The following SPTA1 variants were observed in gnomAD, a reference collection of about 807,000 sequenced individuals.
The protein encoded by SPTA1 is spectrin alpha, erythrocytic 1.
A neutral mutation model predicts 324.7 loss-of-function variants in SPTA1; 177 were observed. The ratio of observed to expected loss-of-function variants is 0.55; its 90% CI spans 0.48 to 0.62. The LOEUF is 0.62. SPTA1 is among the 20% of genes least tolerant of loss of function. The pLI is 0.00. For missense variants in SPTA1, 3,162 were observed against 2,883.6 expected (o/e 1.10, Z -2.21); for synonymous variants, 1,195 against 1,041.3 (o/e 1.15, Z -2.84).
chr1:158,652,411 G>A (rs890067891), intron 23 of SPTA1, 56 bp downstream of exon 23: 16 of 1,564,514 alleles, frequency 1.0e-5, no homozygotes, highest in Admixed American at 6.7e-5. Flanking sequence ...TGTAGAATAT[G>A]CTGAGGGATA....
chr1:158,683,728 C>T (rs1282262768), intron 2 of SPTA1, among the ~76,000 whole-genome samples: 1 of 151,962 alleles, frequency 6.6e-6, no homozygotes, highest in Non-Finnish European at 1.5e-5. Flanking sequence ...AATAGACTGC[C>T]ATAGGAATAA....
intron 4 of SPTA1, 88 bp downstream of exon 4, chr1:158,681,439 C>T (rs1165669377): frequency 6.2e-7 from 1 of 1,600,746 alleles, no homozygotes; most frequent in African/African-American, 1.3e-5. Flanking sequence ...TCCTGACTTC[C>T]TTGTGAGTAG....
chr1:158,659,408 A>G (rs1017293452), intron 18 of SPTA1, among the ~76,000 whole-genome samples: 1 of 151,914 alleles, frequency 6.6e-6, no homozygotes, highest in Non-Finnish European at 1.5e-5. Flanking sequence ...TTTTGCTTAT[A>G]TAGTTAGACT....
intron 37 of SPTA1, 99 bp downstream of exon 37, chr1:158,636,541 TC>T: frequency 7.4e-7 from 1 of 1,360,288 alleles, no homozygotes; most frequent in Non-Finnish European, 1.0e-6. Flanking sequence ...GACCTTGACA[TC>T]CTATTTTCAC....
intron 43 of SPTA1, 111 bp downstream of exon 43, chr1:158,622,872 C>A: frequency 2.0e-6 from 2 of 998,668 alleles, no homozygotes; most frequent in Non-Finnish European, 3.2e-6. Flanking sequence ...TCTTTCAATG[C>A]AATAAAAGGT....
intron 7 of SPTA1, 91 bp downstream of exon 7, chr1:158,677,599 T>C: frequency 6.7e-7 from 1 of 1,484,680 alleles, no homozygotes; most frequent in Non-Finnish European, 9.3e-7. Context: ...GTGAACTTAT[T>C]GTGCTCTCTG....
Position 158,620,183 on chromosome 1 carries a change from G to A in SPTA1, c.6404C>T (p.Ser2135Phe). The change falls in exon 44 of 52, where the codon TCT (serine) becomes TTT (phenylalanine). Residue 2135 changes from serine to phenylalanine, a missense_variant. By Grantham distance (155) the Ser-to-Phe change is radical. Transcript: ENST00000643759. ...GTTCCAGGTTACCTCAATGATGTCA[G>A]ATAGGTGCTTCCAGGTCCTTTCCAG... is the stretch of plus-strand genomic sequence containing the variant. Reference protein sequence around the residue: ...EVLERTWKHLSDIIEEREQEL... With the variant: ...EVLERTWKHLFDIIEEREQEL... The A allele has an allele frequency of 6.2e-7, 1 of 1,614,142 alleles. No individual in the cohort carries two copies. The highest frequency in any genetic ancestry group is 8.5e-7 in the Non-Finnish European group (1 of 1,180,028).
chr1:158,669,846 A>AC, intron 12 of SPTA1, 60 bp from the exon 13 acceptor site: 1 of 1,552,354 alleles, frequency 6.4e-7, no homozygotes, highest in Non-Finnish European at 8.9e-7. Flanking sequence ...GTAAGTGGCC[A>AC]TAGTTTGGGT....
chr1:158,620,977 G>T (rs1649872225), intron 43 of SPTA1, among the ~76,000 whole-genome samples: 1 of 150,774 alleles, frequency 6.6e-6, no homozygotes, highest in Admixed American at 6.6e-5. Context: ...ACTTCTCTTT[G>T]ACAAGGCTAT....
chr1:158,661,329 T>C lies in SPTA1; in HGVS notation c.2545A>G (p.Ile849Val), dbSNP rs752045316. 56 of 1,613,858 alleles carry C rather than the reference T, an allele frequency of 3.5e-5. No homozygotes were observed. Among genetic ancestry groups the C allele is most frequent in the African/African-American group, 8.0e-5 (6 of 74,884 alleles). The part of the protein sequence containing the change: ...LENIASHEPR[I>V]QEITERGNKM... ...TTTCCCCTTTCTGTTATCTCTTGAA[T>C]GCGTGGTTCATGGCTGGCAATGTTC... Residue 849 changes from isoleucine to valine, a missense_variant, in exon 18 of 52, where the codon ATT becomes GTT. Physicochemically the swap from Ile to Val is conservative, Grantham distance 29 (BLOSUM62 3). Transcript: ENST00000643759.
intron 27 of SPTA1, 47 bp downstream of exon 27, chr1:158,647,492 A>G: frequency 6.2e-7 from 1 of 1,604,372 alleles, no homozygotes; most frequent in Non-Finnish European, 8.5e-7. Flanking sequence ...CTGCTCCCAG[A>G]CAGTCTACTT....
At chr1:158,635,860 T>C (rs765880909) in intron 38 of SPTA1, 53 bp downstream of exon 38, 26 of 1,613,758 alleles carry the variant, frequency 1.6e-5, no homozygotes, top group Non-Finnish European at 2.1e-5. Context: ...TCCCAACACC[T>C]GCCCAATATC....
intron 49 of SPTA1, 39 bp from the exon 50 acceptor site, chr1:158,613,906 A>G: frequency 6.2e-7 from 1 of 1,601,064 alleles, no homozygotes; most frequent in Non-Finnish European, 8.5e-7. Context: ...TATCAAGCTC[A>G]ATAGAAAAAC....
At chr1:158,668,971 T>C (rs1653806941) in intron 14 of SPTA1, among the ~76,000 whole-genome samples, 1 of 152,186 alleles carries the variant, frequency 6.6e-6, no homozygotes, top group African/African-American at 2.4e-5. Flanking sequence ...ATTTTATAAG[T>C]TTATATTATA....
intron 29 of SPTA1, among the ~76,000 whole-genome samples, chr1:158,644,697 C>G (rs180829912): frequency 1.3e-5 from 2 of 152,124 alleles, no homozygotes; most frequent in South Asian, 2.1e-4. Context: ...TTCAGGGTAG[C>G]CTGTGACACA....
At chr1:158,686,022 C>G (rs1181955574) in intron 1 of SPTA1, among the ~76,000 whole-genome samples, 1 of 152,172 alleles carries the variant, frequency 6.6e-6, no homozygotes, top group Non-Finnish European at 1.5e-5. Context: ...GGGAGCCAAC[C>G]TGTTTGTGAC....
intron 44 of SPTA1, 46 bp downstream of exon 44, chr1:158,620,124 T>C: frequency 6.2e-7 from 1 of 1,609,702 alleles, no homozygotes; most frequent in Non-Finnish European, 8.5e-7. Flanking sequence ...ATAAAGTGGT[T>C]ATGTTCACTG....
Position 158,676,138 on chromosome 1 carries a change from C to T in SPTA1, c.1112+3G>A, listed in dbSNP as rs759694257. ...AGAGCAATAAAGGGGAGGGATTTCC[C>T]ACCAATAAGTAGCCTGCAGTTTTTC... On this transcript the variant is annotated splice_donor_region_variant and intron_variant, in intron 8 of 51. Transcript: ENST00000643759. 21 of 1,613,294 alleles carry T rather than the reference C, an allele frequency of 1.3e-5. No individual in the cohort carries two copies. Among genetic ancestry groups the T allele is most frequent in the Non-Finnish European group, 1.7e-5 (20 of 1,179,572 alleles).
In SPTA1 at chr1:158,667,939, A is replaced by G. The variant is rs377311296; in HGVS notation, c.1957T>C (p.Tyr653His). Residue 653 changes from tyrosine (Y) to histidine (H), a missense_variant, in exon 15 of 52, where the codon TAT becomes CAT. Physicochemically the swap from Tyr to His is moderately conservative, Grantham distance 83 (BLOSUM62 2). Coordinates refer to ENST00000643759, the MANE Select transcript of SPTA1 (RefSeq NM_003126.4). ...TGQEMIEGGH[Y>H]ASDNVTTRLS... The stretch of plus-strand genomic sequence containing the variant: ...CGAGTGGTCACATTGTCAGAGGCAT[A>G]GTGACCACCCTCAATCATCTCTTGG... 4 of 1,613,972 alleles carry G rather than the reference A, an allele frequency of 2.5e-6. No individual in the cohort carries two copies. In the African/African-American group the frequency reaches 5.3e-5, roughly 22 times the overall value.
Sources: gnomAD v4.1 joint callset for allele counts (sites outside exome capture counted in the v4.1 genomes callset) on GRCh38, gnomAD v4.1.1 for gene constraint, MANE v1.5 for transcripts, NCBI Gene and HGNC (gene_info 2026-07-23, HGNC 2026-07-21) for gene names.